Variants in DYRK1A observed in about 807,000 individuals in gnomAD.
DYRK1A encodes the protein dual specificity tyrosine-phosphorylation-regulated kinase 1A.
DYRK1A carries 9 observed loss-of-function variants against 79.7 expected under a neutral mutation model. The ratio of observed to expected loss-of-function variants is 0.11; its 90% CI spans 0.07 to 0.20. DYRK1A has a LOEUF of 0.20. DYRK1A is among the 10% of genes least tolerant of loss of function. The pLI is 1.00. For synonymous variants in DYRK1A, 349 were observed against 329.7 expected (o/e 1.06, Z -0.63); for missense variants, 622 against 956.0 (o/e 0.65, Z 4.61).
intron 2 of DYRK1A, among the ~76,000 whole-genome samples, chr21:37,464,993 T>C (rs949687757): frequency 2.0e-5 from 3 of 152,222 alleles, no homozygotes; most frequent in South Asian, 2.1e-4. Context: ...TAAATACTTT[T>C]TGGTGTTGCA....
intron 1 of DYRK1A, among the ~76,000 whole-genome samples, chr21:37,406,905 T>A (rs1454408073): frequency 2.7e-5 from 4 of 149,120 alleles, no homozygotes; most frequent in African/African-American, 9.8e-5. Context: ...TTAGAAAAAA[T>A]TCTTTTTGAG....
intron 1 of DYRK1A, among the ~76,000 whole-genome samples, chr21:37,377,714 T>C (rs1051279816): frequency 2.0e-5 from 3 of 152,222 alleles, no homozygotes; most frequent in Non-Finnish European, 4.4e-5. Context: ...GTGATCCTCC[T>C]GTCTTGTCCT....
intron 1 of DYRK1A, among the ~76,000 whole-genome samples, chr21:37,400,494 T>C (rs931556494): frequency 2.0e-5 from 3 of 152,218 alleles, no homozygotes; most frequent in Non-Finnish European, 4.4e-5. Context: ...CCAGCTATAA[T>C]AAGAATTAGT....
intron 2 of DYRK1A, among the ~76,000 whole-genome samples, chr21:37,431,874 A>G (rs1364517426): frequency 6.6e-6 from 1 of 152,074 alleles, no homozygotes; most frequent in Non-Finnish European, 1.5e-5. Context: ...TTTAAACCCT[A>G]AAGTTAATTT....
chr21:37,487,358 A>G (rs1265542880), intron 6 of DYRK1A: 1 of 152,198 alleles, frequency 6.6e-6, no homozygotes, highest in Admixed American at 6.5e-5. Flanking sequence ...CAGAAGAATT[A>G]TGACAATACT....
intron 9 of DYRK1A, among the ~76,000 whole-genome samples, chr21:37,496,609 CTG>C (rs1443072266): frequency 6.6e-6 from 1 of 152,092 alleles, no homozygotes; most frequent in Non-Finnish European, 1.5e-5. Flanking sequence ...ACAGTTAATA[CTG>C]CAGCTGTGAA....
At position 37,482,603 on chromosome 21, in the gene DYRK1A, C is replaced by T. The variant is rs190954145; in HGVS notation, c.489+1777C>T. 9.7e-4 allele frequency among the ~76,000 whole-genome samples: 147 copies of T among 152,328 alleles called. 1 individual carries two copies. Among genetic ancestry groups the T allele is most frequent in the African/African-American group, 3.1e-3 (130 of 41,568 alleles). On this transcript the variant is annotated intron_variant, in intron 5 of 11. Coordinates refer to ENST00000647188, the MANE Select transcript of DYRK1A (RefSeq NM_001347721.2). ...ATTGCTAATGAAGTTTTGGGCACCA[C>T]TGTCATTGATAACATCTTATCAGGA...
At chr21:37,392,545 A>C (rs1450347285) in intron 1 of DYRK1A, among the ~76,000 whole-genome samples, 1 of 152,234 alleles carries the variant, frequency 6.6e-6, no homozygotes, top group Non-Finnish European at 1.5e-5. Context: ...GTGTTTGCCG[A>C]AGGCCTGCTT....
chr21:37,458,864 G>A (rs2148521138), intron 2 of DYRK1A, among the ~76,000 whole-genome samples: 1 of 152,268 alleles, frequency 6.6e-6, no homozygotes, highest in South Asian at 2.1e-4. Context: ...CTCTTCCCCT[G>A]CTCTCCTTAA....
intron 1 of DYRK1A, among the ~76,000 whole-genome samples, chr21:37,407,612 C>T (rs1025162220): frequency 5.3e-5 from 8 of 152,150 alleles, no homozygotes; most frequent in African/African-American, 1.4e-4. Flanking sequence ...GATAAAGGAA[C>T]GATTTGAATT....
At chr21:37,403,669 G>A (rs1239928117) in intron 1 of DYRK1A, among the ~76,000 whole-genome samples, 2,866 of 70,336 alleles carry the variant, frequency 0.041, 50 homozygotes, top group Middle Eastern at 0.074. Flanking sequence ...ATATATGTGT[G>A]TGTGTGTGTG....
At chr21:37,397,970 G>A (rs941654853) in intron 1 of DYRK1A, among the ~76,000 whole-genome samples, 2 of 151,548 alleles carry the variant, frequency 1.3e-5, no homozygotes, top group East Asian at 3.9e-4. Context: ...GGGCACAGTG[G>A]CTCACACCTG....
intron 1 of DYRK1A, among the ~76,000 whole-genome samples, chr21:37,389,991 A>G (rs1290663514): frequency 6.6e-6 from 1 of 150,586 alleles, no homozygotes; most frequent in Non-Finnish European, 1.5e-5. Flanking sequence ...TGGCACAATC[A>G]CAACTCACTG....
chr21:37,411,607 G>T (rs569104565), intron 1 of DYRK1A, among the ~76,000 whole-genome samples: 1 of 152,272 alleles, frequency 6.6e-6, no homozygotes, highest in South Asian at 2.1e-4. Flanking sequence ...TATGTATTAG[G>T]ATTGTGACAG....
At chr21:37,405,175 G>A (rs1173726357) in intron 1 of DYRK1A, among the ~76,000 whole-genome samples, 2 of 151,860 alleles carry the variant, frequency 1.3e-5, no homozygotes, top group Non-Finnish European at 2.9e-5. Flanking sequence ...CCCACTGAGA[G>A]GACTCTAGAG....
At chr21:37,383,743 T>TGTAGAGTAAACAAGAAAGCAAATAACATA (rs2148374317) in intron 1 of DYRK1A, among the ~76,000 whole-genome samples, 1 of 152,242 alleles carries the variant, frequency 6.6e-6, no homozygotes, top group South Asian at 2.1e-4. Flanking sequence ...CATTGTAAGA[T>TGTAGAGTAAACAAGAAAGCAAATAACATA]GTAGAGTAAA....
upstream of DYRK1A, among the ~76,000 whole-genome samples, chr21:37,366,401 C>A (rs1485296614): frequency 1.4e-5 from 2 of 145,526 alleles, no homozygotes; most frequent in Non-Finnish European, 3.0e-5. Flanking sequence ...CCGCAGTCGG[C>A]GCGGGCGCGG....
chr21:37,481,089 A>G (rs748277353), intron 5 of DYRK1A: 11 of 348,070 alleles, frequency 3.2e-5, no homozygotes, highest in Admixed American at 9.2e-5. Context: ...CACTTAATAG[A>G]TAGTATTGCC....
At chr21:37,384,741 A>T (rs143217364) in intron 1 of DYRK1A, among the ~76,000 whole-genome samples, 1 of 152,172 alleles carries the variant, frequency 6.6e-6, no homozygotes, top group Non-Finnish European at 1.5e-5. Context: ...GGATATTAAA[A>T]CAGTTATTGT....
Sources: gnomAD v4.1 joint callset for allele counts (sites outside exome capture counted in the v4.1 genomes callset) on GRCh38, gnomAD v4.1.1 for gene constraint, MANE v1.5 for transcripts, NCBI Gene and HGNC (gene_info 2026-07-23, HGNC 2026-07-21) for gene names.